Variants in GTF3C3 observed in about 807,000 individuals in gnomAD.
The protein encoded by GTF3C3 is general transcription factor IIIC subunit 3.
A neutral mutation model predicts 105.2 loss-of-function variants in GTF3C3; 75 were observed. The observed-to-expected ratio is 0.71, with a 90% CI of 0.59 to 0.86. GTF3C3 has a LOEUF of 0.86. Among genes scored for constraint, GTF3C3 ranks in the 40% least tolerant of loss-of-function variants. The pLI, the probability that GTF3C3 is intolerant of heterozygous loss-of-function variation, is 0.00. For synonymous variants in GTF3C3, 335 were observed against 370.4 expected (o/e 0.90, Z 1.10); for missense variants, 856 against 1,076.5 (o/e 0.80, Z 2.87).
chr2:196,780,712 T>C (rs767064424), intron 8 of GTF3C3, 50 bp from the exon 9 acceptor site: 9 of 1,571,378 alleles, frequency 5.7e-6, no homozygotes, highest in African/African-American at 1.4e-5. Context: ...GCTTGAGATG[T>C]GTATCTTCTA....
intron 2 of GTF3C3, among the ~76,000 whole-genome samples, chr2:196,794,007 G>A (rs776496702): frequency 1.3e-5 from 2 of 152,080 alleles, no homozygotes; most frequent in African/African-American, 2.4e-5. Context: ...GTCTTTAAGA[G>A]GGGACCTTTA....
In GTF3C3 at chr2:196,772,922, T is replaced by C. The variant is rs377634028; in HGVS notation, c.2063A>G (p.Tyr688Cys). 4 of 1,442,302 alleles carry C rather than the reference T, an allele frequency of 2.8e-6. No homozygotes were observed. Among genetic ancestry groups the C allele is most frequent in the Non-Finnish European group, 3.8e-6 (4 of 1,051,192 alleles). The allele number at this position is 1,442,302 out of a possible 1,614,324, so 89.3% of individuals were successfully genotyped here. Residue 688 changes from tyrosine to cysteine, a missense_variant, in exon 14 of 18, where the codon TAT (tyrosine) becomes TGT (cysteine). Coordinates refer to ENST00000263956, the MANE Select transcript of GTF3C3 (RefSeq NM_012086.5). ...TAAATAACTGGGAAATCACCTGATA[T>C]AGTTGTATGCCTTTCTGAAATTTTT... ...LDKNFRKAYNYIRIMVMENVN... is the reference protein window; with the variant it reads ...LDKNFRKAYNCIRIMVMENVN...
intron 6 of GTF3C3, 151 bp from the exon 7 acceptor site, chr2:196,785,739 G>A: frequency 1.7e-6 from 1 of 580,182 alleles, no homozygotes; most frequent in Non-Finnish European, 3.1e-6. Flanking sequence ...AATCAGAACT[G>A]ATCCAGAAAA....
At chr2:196,772,863 C>CA in intron 14 of GTF3C3, 53 bp downstream of exon 14, 1 of 898,016 alleles carries the variant, frequency 1.1e-6, no homozygotes, top group Non-Finnish European at 1.7e-6. Context: ...AATCAAAGTA[C>CA]ATGTACTTAC....
At chr2:196,796,998 ACTGT>A (rs1223778382) in intron 2 of GTF3C3, among the ~76,000 whole-genome samples, 1 of 152,114 alleles carries the variant, frequency 6.6e-6, no homozygotes, top group Non-Finnish European at 1.5e-5. Context: ...CCATGCTATG[ACTGT>A]CTGTTCTCTG....
intron 16 of GTF3C3, among the ~76,000 whole-genome samples, chr2:196,767,505 C>G (rs1050068763): frequency 6.6e-6 from 1 of 152,070 alleles, no homozygotes; most frequent in Non-Finnish European, 1.5e-5. Context: ...TAATTATTCT[C>G]TAGATGATCT....
rs775606241 is a variant in GTF3C3, at chr2:196,779,049, C to G, written c.1237G>C (p.Val413Leu). The G allele has an allele frequency of 6.2e-7, 1 of 1,613,590 alleles. No individual in the cohort carries two copies. Among genetic ancestry groups the G allele is most frequent in the Non-Finnish European group, 8.5e-7 (1 of 1,179,652 alleles). Residue 413 changes from valine to leucine, a missense_variant, in exon 10 of 18, where the codon GTA becomes CTA. Transcript: ENST00000263956. ...CCCATATCTTCAGGATTCTGTTCTACTAGTGTTGTCAAGAGAGGCTAGACC... is the reference window on the plus strand; with the variant it reads ...CCCATATCTTCAGGATTCTGTTCTAGTAGTGTTGTCAAGAGAGGCTAGACC... Reference protein sequence around the residue: ...EPLNPLLTTLVEQNPEDMGDL... With the variant: ...EPLNPLLTTLLEQNPEDMGDL...
chr2:196,799,530 T>C lies in GTF3C3; in HGVS notation c.82A>G (p.Arg28Gly), dbSNP rs1327574921. ...FEEFERRREE[R>G]KTREKKSLQE... is the part of the protein sequence containing the mutation. Reference sequence around the variant, plus strand: ...CTCACTTTCTTCTCGCGGGTTTTTCTCTCTTCTCTCCGCCGTTCGAACTCC... The same window carrying C: ...CTCACTTTCTTCTCGCGGGTTTTTCCCTCTTCTCTCCGCCGTTCGAACTCC... The change falls in exon 1 of 18, where the codon AGA becomes GGA. Residue 28 changes from arginine (R) to glycine (G), a missense_variant. By Grantham distance (125) the Arg-to-Gly change is moderately radical. Coordinates refer to ENST00000263956, the MANE Select transcript of GTF3C3 (RefSeq NM_012086.5). 1 of 1,614,058 alleles carries C rather than the reference T, an allele frequency of 6.2e-7. No homozygotes were observed. Among genetic ancestry groups the C allele is most frequent in the Non-Finnish European group, 8.5e-7 (1 of 1,179,926 alleles).
At chr2:196,774,290 A>G (rs1468536887) in intron 13 of GTF3C3, among the ~76,000 whole-genome samples, 1 of 152,224 alleles carries the variant, frequency 6.6e-6, no homozygotes, top group Non-Finnish European at 1.5e-5. Flanking sequence ...AAAAGTGACC[A>G]TATGCCAAAA....
rs1699014363 is a variant in GTF3C3, at chr2:196,763,944, A to C, written c.*619T>G. The C allele has an allele frequency of 6.6e-6, 1 of 152,238 alleles. No individual in the cohort carries two copies. The highest frequency in any genetic ancestry group is 1.5e-5 in the Non-Finnish European group (1 of 68,040). The allele number at this position is 152,238 out of a possible 1,614,324, so 9.4% of individuals were successfully genotyped here. On this transcript the variant is annotated 3_prime_UTR_variant, in exon 18 of 18. Transcript: ENST00000263956. ...CTATTTTTTCATCAGAAAGCCACAA[A>C]TATAGATAAAGCATTTTTTTATTTG... is the stretch of plus-strand genomic sequence containing the variant.
At chr2:196,779,131 T>C in intron 9 of GTF3C3, 64 bp from the exon 10 acceptor site, 12 of 203,210 alleles carry the variant, frequency 5.9e-5, no homozygotes, top group South Asian at 1.5e-4. Context: ...TATCTATAGC[T>C]TTTTTTTTTT....
rs756830407 is a variant in GTF3C3 at position 196,780,598 on chromosome 2, C to T, written c.1179G>A (p.Met393Ile). Residue 393 changes from methionine (M) to isoleucine (I), a missense_variant, in exon 9 of 18, where the codon ATG (methionine) becomes ATA (isoleucine). This residue lies in a region of GTF3C3 where 605 missense variants were observed against 833.6 expected (regional missense o/e 0.73). Coordinates refer to ENST00000263956, the MANE Select transcript of GTF3C3 (RefSeq NM_012086.5). ...GAATGTTGAGATGTACAAGGCAGACCATCAACTTCACTGTGATATCTATTG... is the reference window on the plus strand; with the variant it reads ...GAATGTTGAGATGTACAAGGCAGACTATCAACTTCACTGTGATATCTATTG... ...GVPIDITVKL[M>I]VCLVHLNILE... is the part of the protein sequence containing the mutation. The T allele has an allele frequency of 6.2e-6, 10 of 1,613,468 alleles. No homozygotes were observed. Among genetic ancestry groups the T allele is most frequent in the Non-Finnish European group, 8.5e-6 (10 of 1,179,640 alleles).
chr2:196,779,799 C>T (rs888194563), intron 9 of GTF3C3, among the ~76,000 whole-genome samples: 2 of 152,116 alleles, frequency 1.3e-5, no homozygotes, highest in Non-Finnish European at 2.9e-5. Flanking sequence ...CCCACCTTAC[C>T]TCCCAAGTAG....
In GTF3C3 at chr2:196,784,545, G is replaced by A. The variant is rs1699420153; in HGVS notation, c.1114+312C>T. Among the ~76,000 whole-genome samples the A allele has an allele frequency of 2.0e-5, 3 of 152,062 alleles. 1 individual carries two copies. The South Asian group carries it at 6.2e-4, about 31-fold the overall frequency. Reference sequence around the variant, plus strand: ...CCTATTTGAAAAGTAAATTGCTTCAGTGCTAAAAGTTTTTGATAAACTTCA... The same window carrying A: ...CCTATTTGAAAAGTAAATTGCTTCAATGCTAAAAGTTTTTGATAAACTTCA... On this transcript the variant is annotated intron_variant, in intron 8 of 17. Transcript: ENST00000263956.
chr2:196,763,864 T>C lies in GTF3C3; in HGVS notation c.*699A>G, dbSNP rs1036321277. On this transcript the variant is annotated 3_prime_UTR_variant, in exon 18 of 18. Transcript: ENST00000263956. ...CATACGTACTACTTGCCCAGTCTTA[T>C]ATTACTTGTGATCTTGAAATGGAAA... 1.3e-5 allele frequency: 2 copies of C among 152,206 alleles called. No homozygotes were observed. Among genetic ancestry groups the C allele is most frequent in the Admixed American group, 6.5e-5 (1 of 15,290 alleles). 9.4% of individuals were successfully genotyped at this position (152,206 alleles called of 1,614,324 possible). A position where few individuals can be genotyped will look rare whatever the true frequency, so the allele number is the denominator to read the frequency against.
rs1391388292 is a variant in GTF3C3, at chr2:196,799,635, C to A, written c.-24G>T. On this transcript the variant is annotated 5_prime_UTR_variant, in exon 1 of 18. Transcript: ENST00000263956. Reference sequence around the variant, plus strand: ...ATGTTTACAGGGTCTGTCTGTGCAACCCCAGGAACCGGGACAGAGAACCGG... The same window carrying A: ...ATGTTTACAGGGTCTGTCTGTGCAAACCCAGGAACCGGGACAGAGAACCGG... The A allele has an allele frequency of 1.8e-5, 28 of 1,529,222 alleles. No individual in the cohort carries two copies. The highest frequency in any genetic ancestry group is 2.4e-5 in the Non-Finnish European group (27 of 1,103,486). 94.7% of individuals were successfully genotyped at this position (1,529,222 alleles called of 1,614,324 possible).
intron 6 of GTF3C3, among the ~76,000 whole-genome samples, chr2:196,787,210 G>A (rs1031019505): frequency 1.3e-5 from 2 of 151,810 alleles, no homozygotes. Flanking sequence ...CCTGGTCCAC[G>A]TTACCATTTT....
chr2:196,778,062 ATG>A (rs1180888018), intron 10 of GTF3C3: 7 of 152,226 alleles, frequency 4.6e-5, no homozygotes, highest in African/African-American at 1.7e-4. Flanking sequence ...CATATCTGTG[ATG>A]TGAGTGCACT....
At chr2:196,790,246 C>T (rs1699524653) in intron 4 of GTF3C3, among the ~76,000 whole-genome samples, 176 bp from the exon 5 acceptor site, 1 of 152,132 alleles carries the variant, frequency 6.6e-6, no homozygotes, top group Admixed American at 6.5e-5. Context: ...ATTATATCTG[C>T]TTTATTTTCA....
Sources: gnomAD v4.1 joint callset for allele counts (sites outside exome capture counted in the v4.1 genomes callset) on GRCh38, gnomAD v4.1.1 for gene constraint, gnomAD v4.1.1 regional missense constraint, MANE v1.5 for transcripts, NCBI Gene and HGNC (gene_info 2026-07-23, HGNC 2026-07-21) for gene names.